Variants in SLAMF1 observed in about 807,000 individuals in gnomAD.
The protein encoded by SLAMF1 is signaling lymphocytic activation molecule family member 1.
SLAMF1 carries 18 observed loss-of-function variants against 35.1 expected under a neutral mutation model. The observed-to-expected ratio is 0.51, with a 90% CI of 0.35 to 0.76. The LOEUF (loss-of-function observed/expected upper bound fraction) is 0.76. Among genes scored for constraint, SLAMF1 ranks in the 30% least tolerant of loss-of-function variants. The pLI, the probability that SLAMF1 is intolerant of heterozygous loss-of-function variation, is 0.01. For synonymous variants in SLAMF1, 168 were observed against 157.2 expected, an observed-to-expected ratio of 1.07 and a Z score of -0.51; for missense variants, 392 against 413.0, an observed-to-expected ratio of 0.95 and a Z score of 0.44.
In SLAMF1 at chr1:160,610,513, TAACGCTCTG is replaced by T; in HGVS notation, c.*226_*234del. 1 of 565,098 alleles carries T rather than the reference TAACGCTCTG, an allele frequency of 1.8e-6. No homozygotes were observed. The highest frequency in any genetic ancestry group is 3.3e-6 in the Non-Finnish European group (1 of 306,924). 35.0% of individuals were successfully genotyped at this position (565,098 alleles called of 1,614,324 possible). On this transcript the variant is annotated 3_prime_UTR_variant, in exon 7 of 7. Transcript: ENST00000302035. ...ACAAAGATGGAACGCTGTTATCAAG[TAACGCTCTG>T]TTCTGCGCCTGCAGCCACTGCACAG...
chr1:160,624,383 C>T (rs1659771560), intron 3 of SLAMF1, among the ~76,000 whole-genome samples, 198 bp from the exon 4 acceptor site: 1 of 152,172 alleles, frequency 6.6e-6, no homozygotes, highest in Non-Finnish European at 1.5e-5. Flanking sequence ...TAATTTCTCT[C>T]ACTATACTTT....
intron 3 of SLAMF1, among the ~76,000 whole-genome samples, chr1:160,628,825 C>T (rs965388337): frequency 6.6e-6 from 1 of 152,350 alleles, no homozygotes. Context: ...TTGGCTTATA[C>T]TTTACAATAA....
Position 160,642,309 on chromosome 1 carries a change from TTTGC to T in SLAMF1, c.76+4557_76+4560del, listed in dbSNP as rs1051166098. 1.2e-4 allele frequency among the ~76,000 whole-genome samples: 18 copies of T among 152,348 alleles called. No homozygotes were observed. The highest frequency in any genetic ancestry group is 3.4e-4 in the African/African-American group (14 of 41,584). On this transcript the variant is annotated intron_variant, in intron 1 of 6. Transcript: ENST00000302035. The surrounding 1 kb of genome is among the most constrained non-coding windows in gnomAD (Gnocchi z 4.2). ...CCTTAGAGGCTATAACCACTCTTTA[TTTGC>T]CTAGCTAACAACTTCCATCTTTCTG... is the stretch of plus-strand genomic sequence containing the variant.
intron 1 of SLAMF1, among the ~76,000 whole-genome samples, chr1:160,643,232 A>G (rs1457255389): frequency 6.6e-6 from 1 of 152,120 alleles, no homozygotes; most frequent in Middle Eastern, 3.4e-3. Flanking sequence ...AGGTAGATAA[A>G]TCTCTCCAGG....
At chr1:160,645,762 A>T (rs1661009311) in intron 1 of SLAMF1, among the ~76,000 whole-genome samples, 1 of 152,194 alleles carries the variant, frequency 6.6e-6, no homozygotes, top group African/African-American at 2.4e-5. Context: ...GCAGATTCCA[A>T]AAGAAAGTGG....
chr1:160,608,508 G>A lies in SLAMF1; in HGVS notation c.*2240C>T, dbSNP rs1412837559. On this transcript the variant is annotated 3_prime_UTR_variant, in exon 7 of 7. Coordinates refer to ENST00000302035, the MANE Select transcript of SLAMF1 (RefSeq NM_003037.5). ...ACCAGAAGGGGTTGTTTTACCACGT[G>A]TAACCATGGTCTAGGGTGAGAGGCA... 3 of 152,294 alleles carry A rather than the reference G, an allele frequency of 2.0e-5. No individual in the cohort carries two copies. The highest frequency in any genetic ancestry group is 4.8e-5 in the African/African-American group (2 of 41,462). The allele number at this position is 152,294 out of a possible 1,614,324, so 9.4% of individuals were successfully genotyped here.
At chr1:160,611,709 A>C (rs747952242) in intron 6 of SLAMF1, among the ~76,000 whole-genome samples, 4 of 152,208 alleles carry the variant, frequency 2.6e-5, no homozygotes, top group African/African-American at 7.2e-5. Flanking sequence ...AGGGTAGAAT[A>C]TGCAAGTATC....
chr1:160,612,941 T>A (rs1343985873), intron 5 of SLAMF1, among the ~76,000 whole-genome samples: 1 of 152,174 alleles, frequency 6.6e-6, no homozygotes, highest in Admixed American at 6.5e-5. Flanking sequence ...TCCGTCTCAC[T>A]CATATCACCG....
chr1:160,628,932 CTCT>C (rs1402449984), intron 3 of SLAMF1, among the ~76,000 whole-genome samples: 1 of 152,194 alleles, frequency 6.6e-6, no homozygotes, highest in African/African-American at 2.4e-5. Context: ...GAAGCTCCAG[CTCT>C]TCTTCTCTTT....
intron 1 of SLAMF1, among the ~76,000 whole-genome samples, chr1:160,639,720 C>T (rs1191674903): frequency 6.6e-6 from 1 of 152,112 alleles, no homozygotes; most frequent in African/African-American, 2.4e-5. Context: ...CCTATTTTGT[C>T]TCTCTCCTGC....
intron 3 of SLAMF1, among the ~76,000 whole-genome samples, chr1:160,633,652 A>T (rs1660275847): frequency 1.3e-5 from 2 of 152,156 alleles, no homozygotes; most frequent in Non-Finnish European, 2.9e-5. Flanking sequence ...CAGTCCCTGA[A>T]CCTGCCTGAG....
rs752822793 is a variant in SLAMF1, at chr1:160,624,189, G to GA, written c.701-5dup. ...TACACTGCCCATGGTTTTGTTTCTG[G>GA]AAAAAAAAAGAAGTCAAAGAGCAAT... is the stretch of plus-strand genomic sequence containing the variant. On this transcript the variant is annotated splice_polypyrimidine_tract_variant and splice_region_variant and intron_variant, in intron 3 of 6. Transcript: ENST00000302035. 1,395 of 1,553,730 alleles carry GA rather than the reference G, an allele frequency of 9.0e-4. No homozygotes were observed. The highest frequency in any genetic ancestry group is 1.0e-3 in the Admixed American group (56 of 53,708).
intron 2 of SLAMF1, among the ~76,000 whole-genome samples, chr1:160,635,972 A>C (rs1196533109): frequency 5.9e-5 from 9 of 152,076 alleles, no homozygotes; most frequent in Admixed American, 5.9e-4. Context: ...ATATCTTACA[A>C]CTCACAGCTT....
intron 4 of SLAMF1, among the ~76,000 whole-genome samples, chr1:160,620,956 T>C (rs1165751232): frequency 6.6e-6 from 1 of 152,234 alleles, no homozygotes; most frequent in Non-Finnish European, 1.5e-5. Flanking sequence ...ATATTTGCTA[T>C]ACTTATATAG....
chr1:160,622,527 C>A (rs1659669265), intron 4 of SLAMF1, among the ~76,000 whole-genome samples: 2 of 152,120 alleles, frequency 1.3e-5, no homozygotes, highest in Admixed American at 6.6e-5. Flanking sequence ...TACACATTGC[C>A]ATTTTAATTC....
chr1:160,641,041 G>A (rs2102359981), intron 1 of SLAMF1, among the ~76,000 whole-genome samples: 1 of 152,270 alleles, frequency 6.6e-6, no homozygotes, highest in South Asian at 2.1e-4. Context: ...GTACCTAAAA[G>A]AGTAACTTCT....
chr1:160,626,790 G>T (rs767227265), intron 3 of SLAMF1, among the ~76,000 whole-genome samples: 1 of 152,076 alleles, frequency 6.6e-6, no homozygotes, highest in Non-Finnish European at 1.5e-5. Context: ...CCTCTGAGCA[G>T]CCAACCCATC....
At chr1:160,619,701 A>C in intron 5 of SLAMF1, 75 bp downstream of exon 5, 1 of 964,282 alleles carries the variant, frequency 1.0e-6, no homozygotes, top group East Asian at 2.4e-5. Flanking sequence ...GTGAATGTCC[A>C]ACAGGCAAGG....
rs1659603135 is a variant in SLAMF1 at position 160,621,404 on chromosome 1, C to G, written c.791-1555G>C. On this transcript the variant is annotated intron_variant, in intron 4 of 6. Coordinates refer to ENST00000302035, the MANE Select transcript of SLAMF1 (RefSeq NM_003037.5). ...GGAAACCCTGTCTCTACTAAAAATACAAAAATTAGCCAGGCATGGTGGCAC... is the reference window on the plus strand; with the variant it reads ...GGAAACCCTGTCTCTACTAAAAATAGAAAAATTAGCCAGGCATGGTGGCAC... 1.3e-5 allele frequency among the ~76,000 whole-genome samples: 2 copies of G among 151,860 alleles called. 1 individual carries two copies. The highest frequency in any genetic ancestry group is 4.2e-4 in the South Asian group (2 of 4,816).
Sources: allele counts gnomAD v4.1 joint callset (sites outside exome capture counted in the v4.1 genomes callset), GRCh38; gene constraint gnomAD v4.1.1; non-coding constraint Gnocchi (gnomAD v3.1); transcripts MANE v1.5; gene names NCBI Gene and HGNC (gene_info 2026-07-23, HGNC 2026-07-21).